PTPRD: variants seen among roughly 807,000 people sequenced by gnomAD.
PTPRD encodes the protein protein tyrosine phosphatase receptor type D.
In PTPRD, 34 loss-of-function variants were observed where a neutral mutation model predicts 214.5. The ratio of observed to expected loss-of-function variants is 0.16; its 90% CI spans 0.12 to 0.21. The LOEUF (loss-of-function observed/expected upper bound fraction) is 0.21. PTPRD is among the 10% of genes least tolerant of loss of function. The pLI is 1.00. For missense variants in PTPRD, 2,545 were observed against 2,398.7 expected, an observed-to-expected ratio of 1.06 and a Z score of -1.27; for synonymous variants, 1,128 against 845.7, an observed-to-expected ratio of 1.33 and a Z score of -5.79.
At chr9:9,680,763 G>T (rs992799760) in intron 7 of PTPRD, among the ~76,000 whole-genome samples, 2 of 149,940 alleles carry the variant, frequency 1.3e-5, no homozygotes, top group African/African-American at 4.9e-5. Flanking sequence ...ACTAACAGAG[G>T]AAGAGGAGAA....
At chr9:8,670,865 T>C (rs1016085086) in intron 12 of PTPRD, among the ~76,000 whole-genome samples, 4 of 152,164 alleles carry the variant, frequency 2.6e-5, no homozygotes, top group Admixed American at 6.5e-5. Context: ...TTTCAGTAGT[T>C]AGAGAGGATC....
chr9:8,402,873 A>T (rs1333779759), intron 36 of PTPRD, among the ~76,000 whole-genome samples: 1 of 152,162 alleles, frequency 6.6e-6, no homozygotes, highest in African/African-American at 2.4e-5. Context: ...AATTGTTTTC[A>T]GTGTGGAAAA....
intron 8 of PTPRD, among the ~76,000 whole-genome samples, chr9:9,404,213 T>A (rs1168938628): frequency 6.6e-6 from 1 of 151,826 alleles, no homozygotes; most frequent in Non-Finnish European, 1.5e-5. Flanking sequence ...CATTGGAGGG[T>A]TTTAAGAAGT....
chr9:8,804,903 T>C lies in PTPRD; in HGVS notation c.-103-70957A>G, dbSNP rs75734726. The stretch of plus-strand genomic sequence containing the variant: ...ATGTTTTAACACCTCCCAGATCTCA[T>C]AACATCCTGGGCTTTCTAAATTTGA... On this transcript the variant is annotated intron_variant, in intron 11 of 45. Coordinates refer to ENST00000381196, the MANE Select transcript of PTPRD (RefSeq NM_002839.4). Among the ~76,000 whole-genome samples, 664 of 152,276 alleles carry C rather than the reference T, an allele frequency of 4.4e-3. 6 individuals are homozygous for C. Among genetic ancestry groups the C allele is most frequent in the African/African-American group, 0.015 (626 of 41,558 alleles).
At chr9:8,611,029 G>A (rs2095427882) in intron 14 of PTPRD, among the ~76,000 whole-genome samples, 1 of 151,878 alleles carries the variant, frequency 6.6e-6, no homozygotes, top group African/African-American at 2.4e-5. Context: ...CTAAATTTAT[G>A]GTTTATTCTT....
At chr9:10,182,072 G>C (rs1593357989) in intron 3 of PTPRD, among the ~76,000 whole-genome samples, 1 of 149,426 alleles carries the variant, frequency 6.7e-6, no homozygotes, top group South Asian at 2.1e-4. Flanking sequence ...TGGCTAATAC[G>C]GTGAAACCTG....
chr9:8,882,942 G>T (rs1012704234), intron 11 of PTPRD, among the ~76,000 whole-genome samples: 1 of 149,980 alleles, frequency 6.7e-6, no homozygotes, highest in South Asian at 2.1e-4. Context: ...AGTAATAGGC[G>T]CTATTAATGG....
At chr9:10,428,250 C>T (rs2098643100) in intron 2 of PTPRD, among the ~76,000 whole-genome samples, 1 of 151,946 alleles carries the variant, frequency 6.6e-6, no homozygotes, top group Non-Finnish European at 1.5e-5. Context: ...ACCGGGGAGA[C>T]AGATGTTGCA....
intron 14 of PTPRD, among the ~76,000 whole-genome samples, chr9:8,598,234 C>T (rs1466452234): frequency 1.3e-5 from 2 of 152,014 alleles, no homozygotes; most frequent in Non-Finnish European, 2.9e-5. Context: ...GGCAGATCAC[C>T]TGAGGTCAGG....
intron 7 of PTPRD, among the ~76,000 whole-genome samples, chr9:9,712,743 T>A (rs1168596171): frequency 6.6e-6 from 1 of 152,202 alleles, no homozygotes; most frequent in Non-Finnish European, 1.5e-5. Flanking sequence ...TTTTCTTGCT[T>A]CATCTGAGCA....
intron 5 of PTPRD, among the ~76,000 whole-genome samples, chr9:9,829,977 T>A (rs1487978007): frequency 6.6e-6 from 1 of 151,826 alleles, no homozygotes; most frequent in Non-Finnish European, 1.5e-5. Flanking sequence ...TTCTTTTGCA[T>A]GCTTATCTGT....
chr9:10,509,162 T>C (rs2047098230), intron 2 of PTPRD, among the ~76,000 whole-genome samples: 1 of 152,028 alleles, frequency 6.6e-6, no homozygotes, highest in African/African-American at 2.4e-5. Flanking sequence ...GACCTACTTA[T>C]ATGAAGATCC....
intron 4 of PTPRD, among the ~76,000 whole-genome samples, chr9:10,015,356 A>T (rs1265582677): frequency 6.6e-6 from 1 of 152,190 alleles, no homozygotes; most frequent in Non-Finnish European, 1.5e-5. Context: ...TAAGAAAATC[A>T]TGGCAGTAAG....
At chr9:10,347,409 C>CTTTTTTTT (rs201173966) in intron 2 of PTPRD, among the ~76,000 whole-genome samples, 1 of 127,934 alleles carries the variant, frequency 7.8e-6, no homozygotes, top group Non-Finnish European at 1.7e-5. Flanking sequence ...AGCTATTTGT[C>CTTTTTTTT]TTTTTTTTTT....
chr9:9,250,938 G>T (rs921958383), intron 9 of PTPRD, among the ~76,000 whole-genome samples: 1 of 152,012 alleles, frequency 6.6e-6, no homozygotes, highest in Non-Finnish European at 1.5e-5. Flanking sequence ...CAAGGGAGAA[G>T]AGAAAAATGT....
At chr9:10,560,279 A>C (rs2063586458) in intron 2 of PTPRD, among the ~76,000 whole-genome samples, 1 of 152,140 alleles carries the variant, frequency 6.6e-6, no homozygotes, top group African/African-American at 2.4e-5. Flanking sequence ...GAAATTGGAA[A>C]TCATCATTCT....
chr9:8,451,329 A>G (rs1181972664), intron 33 of PTPRD, among the ~76,000 whole-genome samples: 1 of 152,116 alleles, frequency 6.6e-6, no homozygotes, highest in African/African-American at 2.4e-5. Flanking sequence ...CAGCCTTGGG[A>G]CAAAATGTGC....
intron 11 of PTPRD, among the ~76,000 whole-genome samples, chr9:8,967,081 A>C (rs961303874): frequency 6.6e-6 from 1 of 152,098 alleles, no homozygotes; most frequent in African/African-American, 2.4e-5. Flanking sequence ...AGGCAAATCA[A>C]AACCACAGTG....
intron 3 of PTPRD, among the ~76,000 whole-genome samples, chr9:10,323,762 G>A (rs2096596828): frequency 6.6e-6 from 1 of 151,888 alleles, no homozygotes; most frequent in Non-Finnish European, 1.5e-5. Context: ...TTCCTGTCTG[G>A]AGATTTTAAA....
Sources: gnomAD v4.1 joint callset for allele counts (sites outside exome capture counted in the v4.1 genomes callset) on GRCh38, gnomAD v4.1.1 for gene constraint, MANE v1.5 for transcripts, NCBI Gene and HGNC (gene_info 2026-07-23, HGNC 2026-07-21) for gene names.